Variants in RAP1B observed in about 807,000 individuals in gnomAD.
RAP1B encodes the protein ras-related protein Rap-1b.
Under a neutral mutation model 27.5 loss-of-function variants are expected in RAP1B, and 1 was observed. The observed-to-expected ratio is 0.04, with a 90% CI of 0.01 to 0.17. The LOEUF (loss-of-function observed/expected upper bound fraction) is 0.17. Among genes scored for constraint, RAP1B ranks in the 10% least tolerant of loss-of-function variants. RAP1B has a pLI of 1.00. For missense variants in RAP1B, 84 were observed against 214.8 expected (o/e 0.39, Z 3.81); for synonymous variants, 75 against 73.1 (o/e 1.03, Z -0.13).
chr12:68,654,357 G>GGGA, intron 5 of RAP1B, 105 bp downstream of exon 5: 1 of 451,510 alleles, frequency 2.2e-6, no homozygotes, highest in Non-Finnish European at 3.4e-6. Flanking sequence ...TGGTTGGGGG[G>GGGA]GGGGTGTTGG....
intron 1 of RAP1B, among the ~76,000 whole-genome samples, chr12:68,646,345 G>T (rs998132950): frequency 3.3e-5 from 5 of 151,956 alleles, no homozygotes; most frequent in Admixed American, 3.3e-4. Flanking sequence ...ACCGGGGCTG[G>T]AGTGCAGTGG....
chr12:68,614,726 T>C (rs939794554), intron 1 of RAP1B, among the ~76,000 whole-genome samples: 14 of 152,252 alleles, frequency 9.2e-5, no homozygotes, highest in African/African-American at 3.4e-4. Context: ...AGTGATTCAT[T>C]GTAACATTGG....
rs1254182352 is a variant in RAP1B at position 68,610,957 on chromosome 12, C to T, written c.-113C>T. The T allele has an allele frequency of 1.6e-5, 5 of 311,792 alleles. No individual in the cohort carries two copies. The East Asian group carries it at 1.8e-4, about 11-fold the overall frequency. 19.3% of individuals were successfully genotyped at this position (311,792 alleles called of 1,614,324 possible). ...TAAACCAGCCGGAGCGGCGCGGCAGCGGCAGGACCGCCGTGGCGCCTAGAG... is the reference window on the plus strand; with the variant it reads ...TAAACCAGCCGGAGCGGCGCGGCAGTGGCAGGACCGCCGTGGCGCCTAGAG... On this transcript the variant is annotated 5_prime_UTR_variant, in exon 1 of 8. Coordinates refer to ENST00000250559, the MANE Select transcript of RAP1B (RefSeq NM_001010942.3).
intron 1 of RAP1B, among the ~76,000 whole-genome samples, chr12:68,641,395 C>T (rs1057208775): frequency 6.6e-6 from 1 of 152,270 alleles, no homozygotes; most frequent in South Asian, 2.1e-4. Flanking sequence ...GTTTTCTTGT[C>T]TTTCCATGTC....
chr12:68,630,930 TTG>T (rs1872190150), intron 1 of RAP1B, among the ~76,000 whole-genome samples: 1 of 151,932 alleles, frequency 6.6e-6, no homozygotes, highest in African/African-American at 2.4e-5. Context: ...CAGCCTGAAT[TTG>T]TTTTTTTTTT....
At chr12:68,626,774 G>GT (rs368490116) in intron 1 of RAP1B, 26,427 of 996,672 alleles carry the variant, frequency 0.027, 1 homozygote, top group East Asian at 0.035. Flanking sequence ...TTTCCAGGGT[G>GT]TTTTTTTTTT....
rs535371264 is a variant in RAP1B at position 68,635,682 on chromosome 12, T to A, written c.-26-13017T>A. The stretch of plus-strand genomic sequence containing the variant: ...ATTGGCCAGGCTGGTCTCGAACTCC[T>A]GACCTCAAGCAATCCACCCGCCTCG... On this transcript the variant is annotated intron_variant, in intron 1 of 7. Transcript: ENST00000250559. Among the ~76,000 whole-genome samples, 6 of 152,142 alleles carry A rather than the reference T, an allele frequency of 3.9e-5. No homozygotes were observed. In the South Asian group the frequency reaches 1.2e-3, roughly 32 times the overall value.
chr12:68,640,383 T>A (rs1290093984), intron 1 of RAP1B, among the ~76,000 whole-genome samples: 1 of 152,112 alleles, frequency 6.6e-6, no homozygotes, highest in Non-Finnish European at 1.5e-5. Context: ...CTCTATACCC[T>A]TTACTCCAGA....
At chr12:68,654,346 T>G in intron 5 of RAP1B, 94 bp downstream of exon 5, 1 of 205,882 alleles carries the variant, frequency 4.9e-6, no homozygotes, top group Non-Finnish European at 8.6e-6. Flanking sequence ...CTTGTGTATT[T>G]TGGTTGGGGG....
At chr12:68,639,300 C>G (rs1872833720) in intron 1 of RAP1B, among the ~76,000 whole-genome samples, 2 of 152,214 alleles carry the variant, frequency 1.3e-5, no homozygotes, top group Non-Finnish European at 2.9e-5. Context: ...TTTCCCCTTT[C>G]CCTCATTCCA....
rs1160235110 is a variant in RAP1B at position 68,659,876 on chromosome 12, CGT to C, written c.*628_*629del. On this transcript the variant is annotated 3_prime_UTR_variant, in exon 8 of 8. Transcript: ENST00000250559. ...TCAGTATAATGTCTTAGATTAAAGACGTTGCCTTTAATATCTGTTGGGAAGGA... is the reference window on the plus strand; with the variant it reads ...TCAGTATAATGTCTTAGATTAAAGACTGCCTTTAATATCTGTTGGGAAGGA... The C allele has an allele frequency of 2.0e-5, 3 of 151,818 alleles. No homozygotes were observed. Among genetic ancestry groups the C allele is most frequent in the Non-Finnish European group, 4.4e-5 (3 of 67,908 alleles). 9.4% of individuals were successfully genotyped at this position (151,818 alleles called of 1,614,324 possible).
At chr12:68,654,062 T>C in intron 4 of RAP1B, 50 bp from the exon 5 acceptor site, 2 of 1,477,950 alleles carry the variant, frequency 1.4e-6, no homozygotes. Context: ...ATTGTAAAAA[T>C]AACTGTCAAA....
intron 1 of RAP1B, among the ~76,000 whole-genome samples, chr12:68,641,912 G>A (rs1873036633): frequency 6.6e-6 from 1 of 152,090 alleles, no homozygotes; most frequent in Non-Finnish European, 1.5e-5. Flanking sequence ...GTGTTGGAGA[G>A]GCAGTGTGAA....
chr12:68,618,574 C>G (rs1871181953), intron 1 of RAP1B, among the ~76,000 whole-genome samples: 1 of 152,142 alleles, frequency 6.6e-6, no homozygotes, highest in South Asian at 2.1e-4. Context: ...AAGTGCAAAA[C>G]TATTTTTATA....
rs748217947 is a variant in RAP1B, at chr12:68,657,087, T to C, written c.469-14T>C. ...GTTCCTCCTGTAAATTAAAACAAAT[T>C]ATTGTATTTGCAGATCTTTTATGAC... On this transcript the variant is annotated splice_polypyrimidine_tract_variant and intron_variant, in intron 6 of 7. Coordinates refer to ENST00000250559, the MANE Select transcript of RAP1B (RefSeq NM_001010942.3). The C allele has an allele frequency of 1.2e-6, 2 of 1,606,708 alleles. No homozygotes were observed. The highest frequency in any genetic ancestry group is 1.7e-6 in the Non-Finnish European group (2 of 1,174,586).
chr12:68,632,137 T>TG (rs1314709575), intron 1 of RAP1B, among the ~76,000 whole-genome samples: 3 of 134,370 alleles, frequency 2.2e-5, no homozygotes, highest in African/African-American at 1.0e-4. Context: ...TTGTTTTTTT[T>TG]TTTTTTTTGT....
chr12:68,627,309 G>T, intron 1 of RAP1B: 1 of 802,990 alleles, frequency 1.2e-6, no homozygotes, highest in Non-Finnish European at 2.2e-6. Context: ...GGAAGCTGCT[G>T]TTTGCAGCCA....
intron 1 of RAP1B, chr12:68,642,732 G>A (rs1004610912): frequency 1.9e-6 from 2 of 1,077,018 alleles, no homozygotes; most frequent in African/African-American, 1.5e-5. Flanking sequence ...GCATCCACCT[G>A]CGCAGTATAT....
At position 68,663,506 on chromosome 12, in the gene RAP1B, A is replaced by C. The variant is rs1015706143; in HGVS notation, c.*4257A>C. On this transcript the variant is annotated 3_prime_UTR_variant, in exon 8 of 8. Coordinates refer to ENST00000250559, the MANE Select transcript of RAP1B (RefSeq NM_001010942.3). ...GGATACCTGTTGAAACAAGACTACT[A>C]AACAGATTAATCAACTAATTCCATA... The C allele has an allele frequency of 6.6e-6, 1 of 152,242 alleles. No individual in the cohort carries two copies. Among genetic ancestry groups the C allele is most frequent in the Non-Finnish European group, 1.5e-5 (1 of 68,042 alleles). 9.4% of individuals were successfully genotyped at this position (152,242 alleles called of 1,614,324 possible).
Sources: allele counts gnomAD v4.1 joint callset (sites outside exome capture counted in the v4.1 genomes callset), GRCh38; gene constraint gnomAD v4.1.1; transcripts MANE v1.5; gene names NCBI Gene and HGNC (gene_info 2026-07-23, HGNC 2026-07-21).